The following PKN3 variants were observed in gnomAD, a reference collection of about 807,000 sequenced individuals.
PKN3 encodes serine/threonine-protein kinase N3.
PKN3 carries 91 observed loss-of-function variants against 113.1 expected under a neutral mutation model. The observed-to-expected ratio is 0.80, with a 90% CI of 0.68 to 0.96. The LOEUF (loss-of-function observed/expected upper bound fraction) is 0.96. PKN3 is among the 40% of genes least tolerant of loss of function. The probability of loss-of-function intolerance (pLI) is 0.00; values close to 1 mark genes in which losing one functional copy is unlikely to be tolerated. For synonymous variants in PKN3, 467 were observed against 499.0 expected (o/e 0.94, Z 0.85); for missense variants, 1,052 against 1,202.2 (o/e 0.88, Z 1.85).
intron 1 of PKN3, chr9:128,703,598 C>A: frequency 2.0e-6 from 2 of 985,382 alleles, no homozygotes; most frequent in Non-Finnish European, 2.4e-6. Context: ...GTGTCCTGTT[C>A]CGGAGCGAGT....
At chr9:128,717,063 A>G (rs868350673) in intron 16 of PKN3, 140 bp downstream of exon 16, 3 of 530,832 alleles carry the variant, frequency 5.7e-6, no homozygotes, top group African/African-American at 2.0e-5. Context: ...CCTGGCACCA[A>G]CTGACAGCAT....
rs1483628348 is a variant in PKN3, at chr9:128,715,316, G to C, written c.1717-53G>C. 1.2e-6 allele frequency: 2 copies of C among 1,606,362 alleles called. No individual in the cohort carries two copies. The highest frequency in any genetic ancestry group is 1.7e-6 in the Non-Finnish European group (2 of 1,173,242). On this transcript the variant is annotated intron_variant, in intron 14 of 21. Transcript: ENST00000291906. The surrounding 1 kb of genome is among the most constrained non-coding windows in gnomAD (Gnocchi z 4.1). The stretch of plus-strand genomic sequence containing the variant: ...CGGGAGGACCTGATCTGTGGGGGCG[G>C]TAAAGGCTCCCTGGTCTGGCCCACC...
intron 1 of PKN3, chr9:128,703,362 C>G (rs1362183663): frequency 2.0e-6 from 2 of 985,128 alleles, no homozygotes; most frequent in African/African-American, 3.5e-5. Context: ...GGGGCGCAGT[C>G]TGTGCGCGCT....
intron 3 of PKN3, 34 bp from the exon 4 acceptor site, chr9:128,706,678 GC>G: frequency 6.9e-7 from 1 of 1,447,802 alleles, no homozygotes. Flanking sequence ...TGTGGCCCAG[GC>G]CTGGTCTGAT....
intron 1 of PKN3, 111 bp downstream of exon 1, chr9:128,703,050 C>T (rs1861901412): frequency 1.3e-6 from 1 of 742,356 alleles, no homozygotes; most frequent in African/African-American, 1.9e-5. Context: ...TCACCCGCGC[C>T]CCTTCCCTGC....
intron 18 of PKN3, among the ~76,000 whole-genome samples, chr9:128,719,241 G>C (rs554449751): frequency 3.3e-5 from 5 of 149,488 alleles, no homozygotes; most frequent in Admixed American, 2.7e-4. Context: ...CCAGGCTGGA[G>C]TGCAATGGCG....
At chr9:128,710,717 C>A (rs1315545402) in intron 6 of PKN3, among the ~76,000 whole-genome samples, 1 of 152,048 alleles carries the variant, frequency 6.6e-6, no homozygotes, top group Non-Finnish European at 1.5e-5. Flanking sequence ...GTCTCAAACT[C>A]CTGACCTCAG....
rs1044875449 is a variant in PKN3 at position 128,702,729 on chromosome 9, C to G, written c.-187C>G. ...GACCTCGGGCGTGGGGTCCCGGGCG[C>G]TGGATCGGCGCGGACGGGAGGCGGC... On this transcript the variant is annotated 5_prime_UTR_variant, in exon 1 of 22. Coordinates refer to ENST00000291906, the MANE Select transcript of PKN3 (RefSeq NM_013355.5). 21 of 508,074 alleles carry G rather than the reference C, an allele frequency of 4.1e-5. No individual in the cohort carries two copies. The highest frequency in any genetic ancestry group is 4.1e-4 in the African/African-American group (20 of 48,686). 31.5% of individuals were successfully genotyped at this position (508,074 alleles called of 1,614,324 possible).
chr9:128,709,951 C>G (rs1331270107), intron 6 of PKN3: 5 of 148,000 alleles, frequency 3.4e-5, no homozygotes, highest in African/African-American at 1.2e-4. Flanking sequence ...CAGAGTGAGA[C>G]TCTGAGCTCT....
chr9:128,703,550 C>A, intron 1 of PKN3: 4 of 985,364 alleles, frequency 4.1e-6, no homozygotes, highest in Non-Finnish European at 4.8e-6. Context: ...CCCGGAGGAC[C>A]GAGGCCATGT....
At chr9:128,709,649 G>C (rs1862121748) in intron 6 of PKN3, 1 of 151,870 alleles carries the variant, frequency 6.6e-6, no homozygotes. Flanking sequence ...CTACTCAGGA[G>C]GCTAAAGCAG....
chr9:128,705,778 G>T lies in PKN3; in HGVS notation c.310G>T (p.Ala104Ser), dbSNP rs1026480619. 2.0e-5 allele frequency: 32 copies of T among 1,608,448 alleles called. No homozygotes were observed. Among genetic ancestry groups the T allele is most frequent in the Non-Finnish European group, 2.5e-5 (30 of 1,177,754 alleles). Reference sequence around the variant, plus strand: ...CCGGCCGTGGGCAGAGCAGCTCAGGGCTCGGCACCTAGAGGCTCTCCGGAG... The same window carrying T: ...CCGGCCGTGGGCAGAGCAGCTCAGGTCTCGGCACCTAGAGGCTCTCCGGAG... ...GPRPWAEQLR[A>S]RHLEALRRQL... The change falls in exon 3 of 22, where the codon GCT becomes TCT. Residue 104 changes from alanine to serine, a missense_variant. Physicochemically the swap from Ala to Ser is moderately conservative, Grantham distance 99. Around this residue, in one of 2 missense-constraint regions of PKN3, gnomAD observed 719 missense variants for 759.4 expected, o/e 0.95. Coordinates refer to ENST00000291906, the MANE Select transcript of PKN3 (RefSeq NM_013355.5).
chr9:128,709,142 G>A (rs921350588), intron 6 of PKN3, among the ~76,000 whole-genome samples: 5 of 152,038 alleles, frequency 3.3e-5, no homozygotes, highest in East Asian at 3.9e-4. Flanking sequence ...AAAATTAACC[G>A]GGCGTGGTGG....
intron 16 of PKN3, among the ~76,000 whole-genome samples, chr9:128,717,316 C>T (rs1862373641): frequency 1.3e-5 from 2 of 150,104 alleles, no homozygotes; most frequent in Admixed American, 6.7e-5. Flanking sequence ...TTAGTAGAGA[C>T]GAGGTTTCTC....
At chr9:128,705,912 C>T (rs1189427239) in intron 3 of PKN3, 33 bp downstream of exon 3, 3 of 1,542,444 alleles carry the variant, frequency 1.9e-6, no homozygotes. Flanking sequence ...CAGGAGCACC[C>T]TGGCCCCTGG....
chr9:128,720,681 C>A lies in PKN3; in HGVS notation c.*75C>A. The A allele has an allele frequency of 7.6e-7, 1 of 1,311,002 alleles. No individual in the cohort carries two copies. Among genetic ancestry groups the A allele is most frequent in the East Asian group, 2.5e-5 (1 of 40,248 alleles). 81.2% of individuals were successfully genotyped at this position (1,311,002 alleles called of 1,614,324 possible). On this transcript the variant is annotated 3_prime_UTR_variant, in exon 22 of 22. Coordinates refer to ENST00000291906, the MANE Select transcript of PKN3 (RefSeq NM_013355.5). The surrounding 1 kb of genome is among the most constrained non-coding windows in gnomAD (Gnocchi z 5.5). ...TCTGCTCGTTCACCCGTGCGCCCTG[C>A]CTGGAGGTCCAGGCCTTGCTGGGTA... is the stretch of plus-strand genomic sequence containing the variant.
At chr9:128,719,193 G>T (rs1032584290) in intron 18 of PKN3, among the ~76,000 whole-genome samples, 10 of 149,888 alleles carry the variant, frequency 6.7e-5, no homozygotes, top group African/African-American at 2.5e-4. Context: ...ACTGCGCCCG[G>T]CTTCTTTTTT....
intron 6 of PKN3, among the ~76,000 whole-genome samples, chr9:128,711,399 C>T (rs377400028): frequency 1.2e-4 from 18 of 151,822 alleles, no homozygotes; most frequent in East Asian, 3.9e-4. Context: ...CTCTGCCTCC[C>T]GGGTTCACGC....
chr9:128,704,841 C>T (rs1240059059), intron 1 of PKN3, among the ~76,000 whole-genome samples: 2 of 151,620 alleles, frequency 1.3e-5, no homozygotes, highest in Non-Finnish European at 2.9e-5. Context: ...TCGCTTGAAC[C>T]CGGGAGGCAG....
Sources: gnomAD v4.1 joint callset for allele counts (sites outside exome capture counted in the v4.1 genomes callset) on GRCh38, gnomAD v4.1.1 for gene constraint, gnomAD v4.1.1 regional missense constraint, Gnocchi (gnomAD v3.1) non-coding constraint, MANE v1.5 for transcripts, NCBI Gene and HGNC (gene_info 2026-07-23, HGNC 2026-07-21) for gene names.